DACH2: variants seen among roughly 807,000 people sequenced by gnomAD.
DACH2 encodes the protein dachshund homolog 2.
A neutral mutation model predicts 35.8 loss-of-function variants in DACH2; 17 were observed. The ratio of observed to expected loss-of-function variants is 0.48; its 90% confidence interval spans 0.33 to 0.71. DACH2 has a LOEUF of 0.71. DACH2 is among the 30% of genes least tolerant of loss of function. DACH2 has a pLI of 0.02. For synonymous variants in DACH2, 195 were observed against 177.3 expected (o/e 1.10, Z -0.79); for missense variants, 469 against 472.7 (o/e 0.99, Z 0.07).
rs754307236 is a variant in DACH2 at position 86,747,524 on chromosome X, C to T, written c.1240+7642C>T. Among the ~76,000 whole-genome samples, 4 of 111,786 alleles carry T rather than the reference C, an allele frequency of 3.6e-5. No homozygotes were observed. In the East Asian group the frequency reaches 1.1e-3, roughly 32 times the overall value. On this transcript the variant is annotated intron_variant, in intron 7 of 11. Transcript: ENST00000373125. ...AGTCACACAAATTGATTTCTCAGTG[C>T]ATGTAAGAGTTATATTTACACAATA...
chrX:86,584,341 A>G (rs1460760552), intron 3 of DACH2, among the ~76,000 whole-genome samples: 1 of 109,817 alleles, frequency 9.1e-6, no homozygotes, highest in African/African-American at 3.3e-5. Context: ...TCCCTCTTTT[A>G]TTTCTGATAC....
chrX:86,648,297 G>A lies in DACH2; in HGVS notation c.641-2739G>A, dbSNP rs150427581. ...CTAACTTACTATTTTCTAGTTGTCCGGTGCAAGTTGAAATTTTGGTTCCCA... is the reference window on the plus strand; with the variant it reads ...CTAACTTACTATTTTCTAGTTGTCCAGTGCAAGTTGAAATTTTGGTTCCCA... On this transcript the variant is annotated intron_variant, in intron 3 of 11. Transcript: ENST00000373125. 2.2e-3 allele frequency among the ~76,000 whole-genome samples: 241 copies of A among 110,643 alleles called. 1 individual carries two copies. The highest frequency in any genetic ancestry group is 7.6e-3 in the African/African-American group (233 of 30,617).
intron 3 of DACH2, among the ~76,000 whole-genome samples, chrX:86,639,718 A>G (rs1602728801): frequency 1.8e-5 from 2 of 111,524 alleles, no homozygotes; most frequent in South Asian, 7.6e-4. Flanking sequence ...TCCTTGGTGG[A>G]GGGGCAGGCC....
intron 3 of DACH2, among the ~76,000 whole-genome samples, chrX:86,569,574 T>C (rs1426950004): frequency 9.0e-6 from 1 of 111,318 alleles, no homozygotes; most frequent in Non-Finnish European, 1.9e-5. Context: ...AAACTCGGCA[T>C]TTTGAAAGTC....
At chrX:86,693,184 T>C (rs927067423) in intron 4 of DACH2, among the ~76,000 whole-genome samples, 2 of 112,241 alleles carry the variant, frequency 1.8e-5, no homozygotes, top group African/African-American at 6.5e-5. Context: ...GGGAATGATT[T>C]CTGGTCCATT....
chrX:86,746,709 C>T (rs1308701244), intron 7 of DACH2, among the ~76,000 whole-genome samples: 3 of 109,493 alleles, frequency 2.7e-5, no homozygotes, highest in African/African-American at 1.0e-4. Context: ...ATATTTTATC[C>T]CATTTTGTGG....
chrX:86,792,737 T>G (rs2042198869), intron 7 of DACH2, among the ~76,000 whole-genome samples: 1 of 112,056 alleles, frequency 8.9e-6, no homozygotes, highest in Non-Finnish European at 1.9e-5. Context: ...AGTATTCTAT[T>G]GTGTATATAT....
intron 5 of DACH2, among the ~76,000 whole-genome samples, chrX:86,709,416 C>T (rs2041254439): frequency 8.9e-6 from 1 of 111,830 alleles, no homozygotes; most frequent in Non-Finnish European, 1.9e-5. Context: ...TCAAAAGGAT[C>T]ATAGTCCTAA....
chrX:86,501,647 T>C (rs1265293355), intron 2 of DACH2, among the ~76,000 whole-genome samples: 1 of 112,086 alleles, frequency 8.9e-6, no homozygotes, highest in Admixed American at 9.5e-5. Context: ...CTTTTCAAAC[T>C]GAACTTGTGT....
chrX:86,248,864 G>A (rs1949085), intron 1 of DACH2, among the ~76,000 whole-genome samples: 46,244 of 109,405 alleles, frequency 0.42, 7,128 homozygotes, highest in East Asian at 0.74. Context: ...ATGATAGAAC[G>A]TAATAGGGAA....
At chrX:86,202,814 T>C (rs1332571096) in intron 1 of DACH2, among the ~76,000 whole-genome samples, 1 of 111,047 alleles carries the variant, frequency 9.0e-6, no homozygotes, top group Non-Finnish European at 1.9e-5. Flanking sequence ...TTGACAAGAT[T>C]TGGTGATTGA....
chrX:86,425,593 G>T (rs1367526496), intron 2 of DACH2, among the ~76,000 whole-genome samples: 3 of 110,622 alleles, frequency 2.7e-5, no homozygotes, highest in Non-Finnish European at 5.7e-5. Flanking sequence ...TCTGGATAAA[G>T]CTTTGCCAAT....
chrX:86,545,187 TGTA>T (rs1297068362), intron 3 of DACH2, among the ~76,000 whole-genome samples: 2 of 111,952 alleles, frequency 1.8e-5, no homozygotes, highest in Non-Finnish European at 3.8e-5. Context: ...ATTAAGAAAA[TGTA>T]GTACATATAC....
At chrX:86,161,037 G>T in intron 1 of DACH2, 1 of 997,545 alleles carries the variant, frequency 1.0e-6, no homozygotes, top group Non-Finnish European at 1.4e-6. Flanking sequence ...AGGCACGTTA[G>T]CAGTTGCCTC....
intron 4 of DACH2, among the ~76,000 whole-genome samples, chrX:86,652,981 G>T (rs1216312303): frequency 8.9e-6 from 1 of 111,869 alleles, no homozygotes; most frequent in Non-Finnish European, 1.9e-5. Flanking sequence ...ATTGCTTTTG[G>T]CATCTTCTTC....
chrX:86,708,031 T>A (rs2041239002), intron 5 of DACH2, among the ~76,000 whole-genome samples: 1 of 103,801 alleles, frequency 9.6e-6, no homozygotes, highest in Non-Finnish European at 1.9e-5. Context: ...GGCTAGAGAA[T>A]AAAAATAATA....
At chrX:86,476,669 T>A (rs2037848145) in intron 2 of DACH2, among the ~76,000 whole-genome samples, 1 of 111,737 alleles carries the variant, frequency 8.9e-6, no homozygotes, top group Non-Finnish European at 1.9e-5. Flanking sequence ...TGACCTTTAT[T>A]GTTTATTTTT....
chrX:86,796,987 T>G (rs1258091782), intron 7 of DACH2, among the ~76,000 whole-genome samples: 1 of 111,483 alleles, frequency 9.0e-6, no homozygotes, highest in African/African-American at 3.3e-5. Flanking sequence ...CTGATGGAAA[T>G]ATAGAACAAC....
intron 2 of DACH2, among the ~76,000 whole-genome samples, chrX:86,413,114 G>GTCAGA (rs2036642451): frequency 9.0e-6 from 1 of 111,464 alleles, no homozygotes; most frequent in South Asian, 3.8e-4. Flanking sequence ...CTAAATTTTA[G>GTCAGA]TCAGATTTAT....
Sources: allele counts gnomAD v4.1 joint callset (sites outside exome capture counted in the v4.1 genomes callset), GRCh38; gene constraint gnomAD v4.1.1; transcripts MANE v1.5; gene names NCBI Gene and HGNC (gene_info 2026-07-23, HGNC 2026-07-21).